MAP3K3: variants seen among roughly 807,000 people sequenced by gnomAD.
The protein encoded by MAP3K3 is mitogen-activated protein kinase kinase kinase 3, also known as MAP/ERK kinase kinase 3.
Under a neutral mutation model 80.9 loss-of-function variants are expected in MAP3K3, and 12 were observed. The observed-to-expected ratio is 0.15, with a 90% CI of 0.10 to 0.24. The LOEUF (loss-of-function observed/expected upper bound fraction) is 0.24. Ranked by LOEUF, MAP3K3 falls within the 10% of genes least tolerant of loss-of-function variation. The probability of loss-of-function intolerance (pLI) is 1.00; values close to 1 mark genes in which losing one functional copy is unlikely to be tolerated. For synonymous variants in MAP3K3, 272 were observed against 307.1 expected, an observed-to-expected ratio of 0.89 and a Z score of 1.19; for missense variants, 596 against 834.7, an observed-to-expected ratio of 0.71 and a Z score of 3.52.
At chr17:63,662,569 T>C (rs1264058703) in intron 5 of MAP3K3, among the ~76,000 whole-genome samples, 1 of 151,798 alleles carries the variant, frequency 6.6e-6, no homozygotes, top group Non-Finnish European at 1.5e-5. Flanking sequence ...GGTGAGGCAG[T>C]GTGTAGTGAC....
At chr17:63,681,228 A>G (rs751301039) in intron 6 of MAP3K3, among the ~76,000 whole-genome samples, 6 of 151,902 alleles carry the variant, frequency 3.9e-5, no homozygotes, top group Non-Finnish European at 7.4e-5. Flanking sequence ...AGGCCTTTTT[A>G]CCTGATACAA....
intron 5 of MAP3K3, among the ~76,000 whole-genome samples, chr17:63,665,979 T>C (rs1433853300): frequency 6.6e-6 from 1 of 152,140 alleles, no homozygotes; most frequent in Non-Finnish European, 1.5e-5. Flanking sequence ...CCAACTTGTT[T>C]GTAAATCCTG....
At chr17:63,655,844 A>ATG (rs2034755444) in intron 4 of MAP3K3, among the ~76,000 whole-genome samples, 1 of 152,112 alleles carries the variant, frequency 6.6e-6, no homozygotes, top group South Asian at 2.1e-4. Flanking sequence ...CCCACTTTGA[A>ATG]TGTCACACAG....
chr17:63,688,613 G>T lies in MAP3K3; in HGVS notation c.778+19G>T. The T allele has an allele frequency of 1.2e-6, 2 of 1,612,534 alleles. No homozygotes were observed. The highest frequency in any genetic ancestry group is 2.2e-5 in the South Asian group (2 of 91,042). ...TACTCAGGTGAGTTCCACAGAGCCTGGGTGGGTAATGCAGGGTGTCTGGGT... is the reference window on the plus strand; with the variant it reads ...TACTCAGGTGAGTTCCACAGAGCCTTGGTGGGTAATGCAGGGTGTCTGGGT... On this transcript the variant is annotated intron_variant, in intron 9 of 15. Transcript: ENST00000361733.
chr17:63,633,229 C>CA lies in MAP3K3; in HGVS notation c.126+442dup, dbSNP rs201848267. ...GGCAAGACAGAGTGAAACTCTGTCT[C>CA]AAAAAAAAAAAAAAAGTTATATATG... On this transcript the variant is annotated intron_variant, in intron 2 of 15. Coordinates refer to ENST00000361733, the MANE Select transcript of MAP3K3 (RefSeq NM_002401.5). 8.9e-3 allele frequency among the ~76,000 whole-genome samples: 972 copies of CA among 109,428 alleles called. 6 individuals carry two copies. Among genetic ancestry groups the CA allele is most frequent in the South Asian group, 0.03 (105 of 3,522 alleles). 71.8% of individuals were successfully genotyped at this position (109,428 alleles called of 152,430 possible).
chr17:63,644,526 C>A (rs962365306), intron 2 of MAP3K3, among the ~76,000 whole-genome samples: 1 of 152,106 alleles, frequency 6.6e-6, no homozygotes, highest in Non-Finnish European at 1.5e-5. Flanking sequence ...CCTTTAATTG[C>A]CATTTTAAAT....
Position 63,632,683 on chromosome 17 carries a change from G to A in MAP3K3, c.7G>A (p.Glu3Lys), listed in dbSNP as rs551562207. 8 of 1,613,820 alleles carry A rather than the reference G, an allele frequency of 5.0e-6. No individual in the cohort carries two copies. The highest frequency in any genetic ancestry group is 2.2e-5 in the East Asian group (1 of 44,862). Residue 3 changes from glutamate to lysine, a missense_variant and splice_region_variant, in exon 2 of 16, where the codon GAA (glutamate) becomes AAA (lysine). Transcript: ENST00000361733. ...CCATGTGCTCTCTTTCATTGCAGAC[G>A]AACAGGAGGCATTGAACTCAATCAT... MDEQEALNSIMND... is the reference protein window; with the variant it reads MDKQEALNSIMND...
At chr17:63,680,432 T>TA (rs2035306463) in intron 6 of MAP3K3, among the ~76,000 whole-genome samples, 1 of 152,202 alleles carries the variant, frequency 6.6e-6, no homozygotes, top group South Asian at 2.1e-4. Flanking sequence ...TGGGTATAGT[T>TA]AAAGCTTTTT....
intron 6 of MAP3K3, among the ~76,000 whole-genome samples, chr17:63,672,322 T>G (rs991643974): frequency 6.6e-6 from 1 of 151,596 alleles, no homozygotes; most frequent in Admixed American, 6.6e-5. Context: ...AAAAATAATT[T>G]GCAGATATTG....
rs375687375 is a variant in MAP3K3 at position 63,648,671 on chromosome 17, C to T, written c.167+2597C>T. ...CTCTACTAAAAATACAAAAATTAGC[C>T]GGGCGTGGTGGCCGGCGTCTGTAGT... On this transcript the variant is annotated intron_variant, in intron 3 of 15. Coordinates refer to ENST00000361733, the MANE Select transcript of MAP3K3 (RefSeq NM_002401.5). Among the ~76,000 whole-genome samples the T allele has an allele frequency of 5.9e-5, 9 of 152,062 alleles. No homozygotes were observed. The South Asian group carries it at 1.2e-3, about 21-fold the overall frequency.
intron 3 of MAP3K3, among the ~76,000 whole-genome samples, chr17:63,649,071 T>C (rs868263237): frequency 2.0e-5 from 3 of 152,330 alleles, no homozygotes; most frequent in Middle Eastern, 3.4e-3. Context: ...AGTACACATA[T>C]GGCTGCTGTA....
intron 6 of MAP3K3, among the ~76,000 whole-genome samples, chr17:63,675,056 T>C (rs2035189270): frequency 6.6e-6 from 1 of 152,146 alleles, no homozygotes; most frequent in African/African-American, 2.4e-5. Flanking sequence ...AGGTTTTTTT[T>C]CCCTCCTTGC....
chr17:63,674,667 T>C (rs2035180186), intron 6 of MAP3K3, among the ~76,000 whole-genome samples: 1 of 151,852 alleles, frequency 6.6e-6, no homozygotes, highest in South Asian at 2.1e-4. Context: ...GTTCTTAGGC[T>C]AGAGATATGA....
At position 63,691,058 on chromosome 17, in the gene MAP3K3, A is replaced by T. The variant is rs2035576946; in HGVS notation, c.1213-44A>T. The stretch of plus-strand genomic sequence containing the variant: ...GCTGAGCTGAACCCAGGCGGGCAGA[A>T]CTAGGGCCCTGAGAGCTGAGGCGAC... On this transcript the variant is annotated intron_variant, in intron 12 of 15. Transcript: ENST00000361733. This position sits in a 1 kb window ranked among gnomAD's most constrained non-coding sequence, Gnocchi z 4.8. The T allele has an allele frequency of 6.2e-7, 1 of 1,611,030 alleles. No individual in the cohort carries two copies. The highest frequency in any genetic ancestry group is 1.7e-5 in the Admixed American group (1 of 59,902).
At chr17:63,673,457 T>C (rs1027777104) in intron 6 of MAP3K3, among the ~76,000 whole-genome samples, 7 of 152,196 alleles carry the variant, frequency 4.6e-5, no homozygotes, top group South Asian at 2.1e-4. Flanking sequence ...TTAATCTCTC[T>C]GTGGGGAGAT....
intron 12 of MAP3K3, 51 bp downstream of exon 12, chr17:63,690,463 C>T: frequency 6.3e-7 from 1 of 1,585,764 alleles, no homozygotes; most frequent in South Asian, 1.1e-5. Flanking sequence ...AACAAAAATG[C>T]CTGTCTTACC....
Position 63,691,192 on chromosome 17 carries a change from G to T in MAP3K3, c.1303G>T (p.Ala435Ser). 1 of 1,614,190 alleles carries T rather than the reference G, an allele frequency of 6.2e-7. No individual in the cohort carries two copies. The highest frequency in any genetic ancestry group is 1.1e-5 in the South Asian group (1 of 91,086). ...VQYYGCLRDR[A>S]EKTLTIFMEY... ...GTACTATGGCTGTCTGCGGGACCGC[G>T]CTGAGAAGACCCTGACCATCTTCAT... Residue 435 changes from alanine (A) to serine (S), a missense_variant, in exon 13 of 16, where the codon GCT becomes TCT. Physicochemically the swap from Ala to Ser is moderately conservative, Grantham distance 99. Coordinates refer to ENST00000361733, the MANE Select transcript of MAP3K3 (RefSeq NM_002401.5). The surrounding 1 kb of genome is among the most constrained non-coding windows in gnomAD (Gnocchi z 4.8).
chr17:63,681,804 T>C lies in MAP3K3; in HGVS notation c.541T>C (p.Tyr181His). 6.5e-7 allele frequency: 1 copy of C among 1,546,568 alleles called. No individual in the cohort carries two copies. The highest frequency in any genetic ancestry group is 1.4e-5 in the African/African-American group (1 of 72,348). ...TGGCCGAAGCTCACCTCCCCCTGGC[T>C]ATGTTCCTGAGCGGCAGCAGCACAT... ...NPGRSSPPPG[Y>H]VPERQQHIAR... is the part of the protein sequence containing the mutation. The change falls in exon 7 of 16, where the codon TAT becomes CAT. Residue 181 changes from tyrosine (Y) to histidine (H), a missense_variant. Tyr to His is a moderately conservative substitution (Grantham distance 83, BLOSUM62 2). Transcript: ENST00000361733.
chr17:63,622,858 G>A, intron 1 of MAP3K3, 95 bp downstream of exon 1: 2 of 287,902 alleles, frequency 6.9e-6, no homozygotes, highest in Admixed American at 6.9e-5. Flanking sequence ...CGCCTGACAG[G>A]CATGGACAGC....
Sources: gnomAD v4.1 joint callset for allele counts (sites outside exome capture counted in the v4.1 genomes callset) on GRCh38, gnomAD v4.1.1 for gene constraint, Gnocchi (gnomAD v3.1) non-coding constraint, MANE v1.5 for transcripts, NCBI Gene and HGNC (gene_info 2026-07-23, HGNC 2026-07-21) for gene names.